Variants in NIPAL2 observed in about 807,000 individuals in gnomAD.
NIPAL2 encodes NIPA like domain containing 2.
NIPAL2 carries 43 observed loss-of-function variants against 48.9 expected under a neutral mutation model. The ratio of observed to expected loss-of-function variants is 0.88; its 90% CI spans 0.69 to 1.13. The LOEUF is 1.13. NIPAL2 is among the 50% of genes most tolerant of loss of function. NIPAL2 has a pLI of 0.00. For synonymous variants in NIPAL2, 167 were observed against 174.6 expected (o/e 0.96, Z 0.34); for missense variants, 446 against 461.4 (o/e 0.97, Z 0.31).
Position 98,259,069 on chromosome 8 carries a change from CCTTTTTTTTT to C in NIPAL2, c.136-4992_136-4983del, listed in dbSNP as rs1194437365. Among the ~76,000 whole-genome samples the C allele has an allele frequency of 2.5e-3, 227 of 89,360 alleles. 5 individuals are homozygous for C. Among genetic ancestry groups the C allele is most frequent in the African/African-American group, 9.7e-3 (211 of 21,804 alleles). 58.6% of individuals were successfully genotyped at this position (89,360 alleles called of 152,430 possible). A position where few individuals can be genotyped will look rare whatever the true frequency, so the allele number is the denominator to read the frequency against. On this transcript the variant is annotated intron_variant, in intron 1 of 10. Transcript: ENST00000430223. Reference sequence around the variant, plus strand: ...TTATGCTGCTGTTCCTTTAAATATTCCTTTTTTTTTTTTTTTTTTTTTTTTGAGACGGAGT... The same window carrying C: ...TTATGCTGCTGTTCCTTTAAATATTCTTTTTTTTTTTTTTTGAGACGGAGT...
At chr8:98,286,808 CTG>C (rs1816193027) in intron 1 of NIPAL2, among the ~76,000 whole-genome samples, 1 of 120,878 alleles carries the variant, frequency 8.3e-6, no homozygotes, top group Non-Finnish European at 1.6e-5. Flanking sequence ...GAGTGAGACT[CTG>C]TCAAAAAAAA....
intron 3 of NIPAL2, among the ~76,000 whole-genome samples, chr8:98,241,357 T>C (rs1434636389): frequency 1.3e-5 from 2 of 152,250 alleles, no homozygotes; most frequent in African/African-American, 4.8e-5. Flanking sequence ...GGTGCTCTTT[T>C]CCACACACAA....
intron 3 of NIPAL2, among the ~76,000 whole-genome samples, chr8:98,242,869 G>C (rs1207844398): frequency 1.3e-5 from 2 of 152,102 alleles, no homozygotes; most frequent in Non-Finnish European, 2.9e-5. Flanking sequence ...TGTTTCTACA[G>C]CATATACAAC....
rs1215849301 is a variant in NIPAL2, at chr8:98,212,411, T to C, written c.649A>G (p.Ile217Val). 1.3e-6 allele frequency: 2 copies of C among 1,570,554 alleles called. No homozygotes were observed. Among genetic ancestry groups the C allele is most frequent in the Admixed American group, 3.3e-5 (2 of 59,796 alleles). Reference sequence around the variant, plus strand: ...AAACAAAATATGCCTTTACCTAGAATTGCCACCAGGGTTAGCAGAATCACC... The same window carrying C: ...AAACAAAATATGCCTTTACCTAGAACTGCCACCAGGGTTAGCAGAATCACC... Reference protein sequence around the residue: ...HMVILLTLVAILASLTVISVK... With the variant: ...HMVILLTLVAVLASLTVISVK... Residue 217 changes from isoleucine (I) to valine (V), a missense_variant, in exon 6 of 11, where the codon ATT becomes GTT. By Grantham distance (29) the Ile-to-Val change is conservative. Coordinates refer to ENST00000430223, the MANE Select transcript of NIPAL2 (RefSeq NM_001321635.2).
In NIPAL2 at chr8:98,199,484, C is replaced by T. The variant is rs149457238; in HGVS notation, c.881-3479G>A. The stretch of plus-strand genomic sequence containing the variant: ...GTCAGATTTCAATATTATTGTGTCT[C>T]AGGGAATAAGGAGGCCCAAGGGGAA... On this transcript the variant is annotated intron_variant, in intron 8 of 10. Coordinates refer to ENST00000430223, the MANE Select transcript of NIPAL2 (RefSeq NM_001321635.2). Among the ~76,000 whole-genome samples, 134 of 152,056 alleles carry T rather than the reference C, an allele frequency of 8.8e-4. 3 individuals are homozygous for T. The East Asian group carries it at 0.025, about 28-fold the overall frequency.
chr8:98,252,948 A>G (rs1230411470), intron 2 of NIPAL2, among the ~76,000 whole-genome samples: 1 of 152,058 alleles, frequency 6.6e-6, no homozygotes, highest in Non-Finnish European at 1.5e-5. Context: ...TTTAAATTGC[A>G]TGCTTTTCTG....
chr8:98,213,357 C>A (rs1811415997), intron 5 of NIPAL2, among the ~76,000 whole-genome samples: 1 of 152,188 alleles, frequency 6.6e-6, no homozygotes, highest in African/African-American at 2.4e-5. Context: ...TACTTGCTTT[C>A]ACTTGCTTGC....
rs1811231490 is a variant in NIPAL2, at chr8:98,209,987, A to T, written c.655+2418T>A. On this transcript the variant is annotated intron_variant, in intron 6 of 10. Coordinates refer to ENST00000430223, the MANE Select transcript of NIPAL2 (RefSeq NM_001321635.2). ...AAAAATAAGCAATTCATTCAAATTT[A>T]TATATATGCATATCTATCTATCATT... Among the ~76,000 whole-genome samples the T allele has an allele frequency of 2.0e-5, 3 of 152,038 alleles. No homozygotes were observed. In the South Asian group the frequency reaches 6.2e-4, roughly 31 times the overall value.
intron 1 of NIPAL2, among the ~76,000 whole-genome samples, chr8:98,268,977 A>G (rs1033508888): frequency 6.6e-6 from 1 of 152,236 alleles, no homozygotes; most frequent in South Asian, 2.1e-4. Context: ...CAAGAAGAAG[A>G]TTCCATCTTA....
At chr8:98,217,882 T>G (rs1222763805) in intron 5 of NIPAL2, among the ~76,000 whole-genome samples, 2 of 152,232 alleles carry the variant, frequency 1.3e-5, no homozygotes, top group African/African-American at 4.8e-5. Context: ...CCCAGAACTG[T>G]AAAATTCCTG....
chr8:98,259,069 C>CTTTTT (rs1563531576), intron 1 of NIPAL2, among the ~76,000 whole-genome samples: 2,206 of 89,058 alleles, frequency 0.025, 209 homozygotes, highest in Non-Finnish European at 0.034. Flanking sequence ...TTTAAATATT[C>CTTTTT]CTTTTTTTTT....
At chr8:98,227,783 C>T (rs887484054) in intron 4 of NIPAL2, among the ~76,000 whole-genome samples, 7 of 152,216 alleles carry the variant, frequency 4.6e-5, no homozygotes, top group African/African-American at 1.7e-4. Flanking sequence ...TCGCATGCCC[C>T]TCAAGTCCAC....
rs59432038 is a variant in NIPAL2, at chr8:98,214,841, T to C, written c.559-2340A>G. ...TTTTAACTGTTTCTTATGGGACTTA[T>C]TTGCCAGACCTTTGATTTAATTGAG... On this transcript the variant is annotated intron_variant, in intron 5 of 10. Transcript: ENST00000430223. Among the ~76,000 whole-genome samples the C allele has an allele frequency of 5.7e-3, 874 of 152,346 alleles. 11 individuals carry two copies. The highest frequency in any genetic ancestry group is 0.02 in the African/African-American group (835 of 41,586).
chr8:98,233,975 A>G (rs1013592281), intron 4 of NIPAL2, among the ~76,000 whole-genome samples: 9 of 152,142 alleles, frequency 5.9e-5, no homozygotes, highest in Admixed American at 1.3e-4. Context: ...ATTCTCTCTG[A>G]TCTTCTCAGC....
At chr8:98,276,113 T>C (rs778692366) in intron 1 of NIPAL2, among the ~76,000 whole-genome samples, 1 of 152,174 alleles carries the variant, frequency 6.6e-6, no homozygotes, top group Non-Finnish European at 1.5e-5. Context: ...CCAAAGTTCA[T>C]AGTTTACATT....
At chr8:98,232,011 T>A (rs2514325) in intron 4 of NIPAL2, among the ~76,000 whole-genome samples, 129,459 of 151,588 alleles carry the variant, frequency 0.85, 55,755 homozygotes, top group Non-Finnish European at 0.9. Context: ...TTTTAAAAAA[T>A]TTTTTTTTTG....
intron 5 of NIPAL2, among the ~76,000 whole-genome samples, chr8:98,215,024 T>C (rs1366587948): frequency 6.6e-6 from 1 of 152,224 alleles, no homozygotes; most frequent in Non-Finnish European, 1.5e-5. Context: ...ATTTCTCGCA[T>C]GAGACAATTA....
At chr8:98,265,589 C>T (rs1206539673) in intron 1 of NIPAL2, among the ~76,000 whole-genome samples, 1 of 132,130 alleles carries the variant, frequency 7.6e-6, no homozygotes, top group African/African-American at 2.9e-5. Flanking sequence ...GAGATACCAT[C>T]TCACACCAGT....
At chr8:98,260,651 G>A (rs1039227694) in intron 1 of NIPAL2, among the ~76,000 whole-genome samples, 1 of 152,164 alleles carries the variant, frequency 6.6e-6, no homozygotes, top group African/African-American at 2.4e-5. Context: ...CTCGCTGATT[G>A]CTAGCACAGC....
Sources: gnomAD v4.1 joint callset for allele counts (sites outside exome capture counted in the v4.1 genomes callset) on GRCh38, gnomAD v4.1.1 for gene constraint, MANE v1.5 for transcripts, NCBI Gene and HGNC (gene_info 2026-07-23, HGNC 2026-07-21) for gene names.